The following AOPEP variants were observed in gnomAD, a reference collection of about 807,000 sequenced individuals.
The protein encoded by AOPEP is aminopeptidase O.
Under a neutral mutation model 98.1 loss-of-function variants are expected in AOPEP, and 77 were observed. That is an observed-to-expected ratio of 0.78 (90% CI 0.65 to 0.95). The LOEUF (loss-of-function observed/expected upper bound fraction) is 0.95, where lower values mean the gene tolerates loss of function less well. Among genes scored for constraint, AOPEP ranks in the 40% least tolerant of loss-of-function variants. AOPEP has a pLI of 0.00. For missense variants in AOPEP, 1,024 were observed against 1,024.7 expected, an observed-to-expected ratio of 1.00 and a Z score of 0.01; for synonymous variants, 346 against 365.3, an observed-to-expected ratio of 0.95 and a Z score of 0.60.
At chr9:94,824,197 G>C (rs905813186) in intron 5 of AOPEP, 2 of 152,170 alleles carry the variant, frequency 1.3e-5, no homozygotes, top group Non-Finnish European at 2.9e-5. Context: ...ACAACAGTCA[G>C]TGTTCCAAAA....
chr9:95,085,361 G>A (rs1006075575), intron 16 of AOPEP: 7 of 489,704 alleles, frequency 1.4e-5, no homozygotes, highest in African/African-American at 2.0e-5. Context: ...GGTGCATCTC[G>A]TAGCTCTTCT....
At position 94,946,747 on chromosome 9, in the gene AOPEP, A is replaced by G. The variant is rs1297419552; in HGVS notation, c.1662-8430A>G. On this transcript the variant is annotated intron_variant, in intron 7 of 16. Transcript: ENST00000375315. ...TTAGCATATATACCGCATGCCTGGG[A>G]GAACGTTCGCTTTCTTGGGCTTGGT... Among the ~76,000 whole-genome samples the G allele has an allele frequency of 6.6e-5, 10 of 151,996 alleles. No individual in the cohort carries two copies. In the East Asian group the frequency reaches 1.7e-3, roughly 26 times the overall value.
intron 13 of AOPEP, among the ~76,000 whole-genome samples, chr9:95,026,171 C>T (rs1042663740): frequency 1.1e-4 from 16 of 152,174 alleles, no homozygotes; most frequent in Admixed American, 6.5e-5. Context: ...AGGGCTTCAG[C>T]ACAGGTTCTT....
At chr9:94,843,199 CA>C (rs891720707) in intron 5 of AOPEP, among the ~76,000 whole-genome samples, 4 of 152,184 alleles carry the variant, frequency 2.6e-5, no homozygotes, top group Admixed American at 2.6e-4. Context: ...CTCCGTGCTC[CA>C]GGGTTTCTCA....
At chr9:95,009,081 A>T (rs2062274813) in intron 13 of AOPEP, among the ~76,000 whole-genome samples, 1 of 152,202 alleles carries the variant, frequency 6.6e-6, no homozygotes, top group African/African-American at 2.4e-5. Context: ...AATTAGGATG[A>T]TTGGATCAGC....
chr9:94,899,179 C>CTTTTTTTTTTTTTTTTTT (rs1164742981), intron 5 of AOPEP, among the ~76,000 whole-genome samples: 1 of 59,746 alleles, frequency 1.7e-5, no homozygotes, highest in African/African-American at 7.5e-5. Flanking sequence ...TCTTCATTTG[C>CTTTTTTTTTTTTTTTTTT]TTTTTTTTTT....
chr9:94,967,931 C>A, intron 10 of AOPEP, 130 bp downstream of exon 10: 1 of 757,130 alleles, frequency 1.3e-6, no homozygotes, highest in Non-Finnish European at 2.3e-6. Flanking sequence ...GGACCTAGTT[C>A]TGCCAGTGGG....
chr9:95,032,503 T>C (rs1306573413), intron 13 of AOPEP, among the ~76,000 whole-genome samples: 1 of 152,258 alleles, frequency 6.6e-6, no homozygotes, highest in Non-Finnish European at 1.5e-5. Flanking sequence ...AACGTTCTCC[T>C]CTGTCCTATG....
At chr9:95,112,731 G>A in the AOPEP span, among the ~76,000 whole-genome samples, 1 of 152,200 alleles carries the variant, frequency 6.6e-6, no homozygotes, top group Admixed American at 6.5e-5. Context: ...TCAGAGACCG[G>A]TCTGGTCCTT....
At chr9:95,099,417 G>A in the AOPEP span, 1 of 226,768 alleles carries the variant, frequency 4.4e-6, no homozygotes, top group Non-Finnish European at 8.7e-6. Flanking sequence ...ACGCCGTCAA[G>A]GCCCCCTCGG....
chr9:94,954,952 TA>T (rs1332277073), intron 7 of AOPEP, among the ~76,000 whole-genome samples: 2 of 152,166 alleles, frequency 1.3e-5, no homozygotes, highest in African/African-American at 2.4e-5. Context: ...TAATTTTGGA[TA>T]AATTGATGTA....
At chr9:94,978,050 C>T (rs1047629509) in intron 10 of AOPEP, among the ~76,000 whole-genome samples, 1 of 152,122 alleles carries the variant, frequency 6.6e-6, no homozygotes, top group African/African-American at 2.4e-5. Flanking sequence ...TCCCCTTTTC[C>T]TCCAGCCCTC....
At chr9:94,961,013 CA>C (rs71496990) in intron 9 of AOPEP, among the ~76,000 whole-genome samples, 145 of 118,678 alleles carry the variant, frequency 1.2e-3, no homozygotes, top group Middle Eastern at 4.5e-3. Flanking sequence ...GAATCTGTCT[CA>C]AAAAAAAAAA....
intron 5 of AOPEP, chr9:94,810,118 C>T (rs1180235005): frequency 1.3e-5 from 2 of 155,502 alleles, no homozygotes; most frequent in African/African-American, 2.4e-5. Context: ...GAGAAAGCTC[C>T]CTGGTGAGGC....
chr9:94,940,034 C>T (rs1326782161), intron 7 of AOPEP, among the ~76,000 whole-genome samples: 1 of 152,168 alleles, frequency 6.6e-6, no homozygotes, highest in African/African-American at 2.4e-5. Context: ...GTAGATATTC[C>T]AAAATCCAAA....
intron 14 of AOPEP, among the ~76,000 whole-genome samples, chr9:95,066,297 C>T (rs2067879724): frequency 6.6e-6 from 1 of 152,182 alleles, no homozygotes; most frequent in South Asian, 2.1e-4. Flanking sequence ...GCAACAGCAT[C>T]TCCCCTGTTA....
the AOPEP span, among the ~76,000 whole-genome samples, chr9:95,148,994 G>A: frequency 6.6e-6 from 1 of 152,042 alleles, no homozygotes; most frequent in African/African-American, 2.4e-5. Context: ...CCCACCAGAA[G>A]CAGATATGAG....
chr9:95,099,751 A>G, the AOPEP span: 1 of 232,118 alleles, frequency 4.3e-6, no homozygotes, highest in East Asian at 6.1e-5. Context: ...CCTCCACCGC[A>G]CCCGTGAGAG....
intron 5 of AOPEP, among the ~76,000 whole-genome samples, chr9:94,895,198 A>G (rs1183182727): frequency 6.7e-6 from 1 of 149,754 alleles, no homozygotes; most frequent in African/African-American, 2.5e-5. Context: ...ACATAGCAAC[A>G]CAGTGAAACC....
Sources: gnomAD v4.1 joint callset for allele counts (sites outside exome capture counted in the v4.1 genomes callset) on GRCh38, gnomAD v4.1.1 for gene constraint, MANE v1.5 for transcripts, NCBI Gene and HGNC (gene_info 2026-07-23, HGNC 2026-07-21) for gene names.